PRRC2C: variants seen among roughly 807,000 people sequenced by gnomAD.
PRRC2C encodes protein PRRC2C.
PRRC2C carries 72 observed loss-of-function variants against 317.2 expected under a neutral mutation model. That is an observed-to-expected ratio of 0.23 (90% CI 0.19 to 0.28). The LOEUF is 0.28. Among genes scored for constraint, PRRC2C ranks in the 10% least tolerant of loss-of-function variants. The pLI is 1.00. For missense variants in PRRC2C, 3,074 were observed against 3,459.7 expected (o/e 0.89, Z 2.80); for synonymous variants, 1,296 against 1,205.9 (o/e 1.07, Z -1.55).
chr1:171,582,549 A>T (rs1274048631), intron 28 of PRRC2C, among the ~76,000 whole-genome samples: 1 of 152,240 alleles, frequency 6.6e-6, no homozygotes, highest in Non-Finnish European at 1.5e-5. Flanking sequence ...TGTAGAGTAC[A>T]GCCTATTGTG....
At chr1:171,545,982 T>C (rs1679049096) in intron 17 of PRRC2C, among the ~76,000 whole-genome samples, 1 of 151,462 alleles carries the variant, frequency 6.6e-6, no homozygotes, top group Admixed American at 6.6e-5. Context: ...GTAACCACTC[T>C]ACTTTGCCAG....
intron 1 of PRRC2C, among the ~76,000 whole-genome samples, chr1:171,504,982 T>A (rs1394879818): frequency 1.3e-5 from 2 of 152,266 alleles, no homozygotes; most frequent in East Asian, 3.9e-4. Context: ...GTTCAATGTG[T>A]AGGTCTTACG....
At chr1:171,510,961 A>G (rs192719721) in intron 1 of PRRC2C, 19 of 152,356 alleles carry the variant, frequency 1.2e-4, no homozygotes, top group Admixed American at 5.9e-4. Flanking sequence ...GGCATTTTAC[A>G]TGCATATAAA....
At chr1:171,567,073 AG>A (rs1372836786) in intron 22 of PRRC2C, among the ~76,000 whole-genome samples, 2 of 152,214 alleles carry the variant, frequency 1.3e-5, no homozygotes, top group Non-Finnish European at 2.9e-5. Flanking sequence ...GGACTATTTG[AG>A]TAGCTTAAAG....
chr1:171,561,525 A>G (rs908933352), intron 20 of PRRC2C, among the ~76,000 whole-genome samples: 5 of 152,200 alleles, frequency 3.3e-5, no homozygotes, highest in African/African-American at 7.2e-5. Flanking sequence ...GCTGAGCCCC[A>G]TGTCCATAGT....
chr1:171,586,875 T>C, intron 30 of PRRC2C, 128 bp from the exon 31 acceptor site: 1 of 760,458 alleles, frequency 1.3e-6, no homozygotes, highest in African/African-American at 1.8e-5. Flanking sequence ...CATGAGCCAC[T>C]GCACCTGGCC....
chr1:171,584,762 C>A (rs898217557), intron 30 of PRRC2C, among the ~76,000 whole-genome samples: 7 of 152,038 alleles, frequency 4.6e-5, no homozygotes, highest in African/African-American at 1.7e-4. Context: ...TTTTTTATAT[C>A]TTCCAGGTTT....
chr1:171,518,590 T>G (rs1436403235), intron 6 of PRRC2C, among the ~76,000 whole-genome samples: 1 of 136,704 alleles, frequency 7.3e-6, no homozygotes, highest in Non-Finnish European at 1.5e-5. Context: ...CTCTGCCCCC[T>G]GGGTTCAAGC....
Position 171,579,355 on chromosome 1 carries a change from T to C in PRRC2C, c.7161T>C (p.Ala2387=). The C allele has an allele frequency of 2.5e-6, 4 of 1,613,472 alleles. No homozygotes were observed. Among genetic ancestry groups the C allele is most frequent in the Non-Finnish European group, 3.4e-6 (4 of 1,179,604 alleles). The change falls in exon 27 of 35, where the codon GCT becomes GCC. Residue 2387 remains alanine (A), a splice_region_variant and synonymous_variant. Coordinates refer to ENST00000647382, the MANE Select transcript of PRRC2C (RefSeq NM_001387844.1). The part of the protein sequence containing the change: ...PQVYVSQSAA[A]QIPAFYMDTS... ...CTTGTTTATCCTGATGGTCTACAGC[T>C]CAAATCCCAGCCTTCTATATGGACA...
intron 1 of PRRC2C, among the ~76,000 whole-genome samples, chr1:171,488,763 CTGAT>C (rs1666579926): frequency 6.6e-6 from 1 of 152,148 alleles, no homozygotes; most frequent in Non-Finnish European, 1.5e-5. Flanking sequence ...AAATTTTTAT[CTGAT>C]TGGCAGACAT....
At position 171,541,734 on chromosome 1, in the gene PRRC2C, G is replaced by A. The variant is rs1395509443; in HGVS notation, c.4268G>A (p.Arg1423Gln). The A allele has an allele frequency of 5.0e-6, 8 of 1,613,912 alleles. No homozygotes were observed. The highest frequency in any genetic ancestry group is 1.1e-5 in the South Asian group (1 of 91,058). The stretch of plus-strand genomic sequence containing the variant: ...TTTGACCCAGCTAGAGAAAGGCCTC[G>A]AAGGCAGCGTCCTACTCGACCACCA... ...RKFDPARERP[R>Q]RQRPTRPPRQ... Residue 1423 changes from arginine to glutamine, a missense_variant, in exon 16 of 35, where the codon CGA becomes CAA. Transcript: ENST00000647382. The surrounding 1 kb of genome is among the most constrained non-coding windows in gnomAD (Gnocchi z 4.1).
At chr1:171,502,182 C>G (rs1242162575) in intron 1 of PRRC2C, among the ~76,000 whole-genome samples, 1 of 152,218 alleles carries the variant, frequency 6.6e-6, no homozygotes, top group East Asian at 1.9e-4. Context: ...CATCTCCTGC[C>G]TGTCTCCCTG....
At position 171,557,891 on chromosome 1, in the gene PRRC2C, G is replaced by C; in HGVS notation, c.5779G>C (p.Ala1927Pro). Residue 1927 changes from alanine (A) to proline (P), a missense_variant, in exon 19 of 35, where the codon GCC (alanine) becomes CCC (proline). Around this residue, in one of 11 missense-constraint regions of PRRC2C, gnomAD observed 640 missense variants for 676.1 expected, o/e 0.95. Transcript: ENST00000647382. ...TACCCCAGTCTCAGCCCCAAATCCT[G>C]CCCCACCTGCCCCAGCCCAGACTCA... ...APTPVSAPNP[A>P]PPAPAQTQAQ... 1 of 1,496,292 alleles carries C rather than the reference G, an allele frequency of 6.7e-7. No homozygotes were observed. The highest frequency in any genetic ancestry group is 8.9e-7 in the Non-Finnish European group (1 of 1,122,566). The allele number at this position is 1,496,292 out of a possible 1,614,324, so 92.7% of individuals were successfully genotyped here. A position where few individuals can be genotyped will look rare whatever the true frequency, so the allele number is the denominator to read the frequency against.
intron 1 of PRRC2C, among the ~76,000 whole-genome samples, chr1:171,492,161 A>G (rs1667269685): frequency 6.6e-6 from 1 of 152,194 alleles, no homozygotes; most frequent in Non-Finnish European, 1.5e-5. Context: ...AGCCCCCACA[A>G]CTAGGATACA....
chr1:171,541,305 A>C lies in PRRC2C; in HGVS notation c.3839A>C (p.Lys1280Thr). The change falls in exon 16 of 35, where the codon AAG becomes ACG. Residue 1280 changes from lysine (K) to threonine (T), a missense_variant. Transcript: ENST00000647382. This position sits in a 1 kb window ranked among gnomAD's most constrained non-coding sequence, Gnocchi z 4.1. ...DSEIHESASD[K>T]DSLSKGKLPK... ...GAAATTCATGAAAGTGCAAGTGACA[A>C]GGACAGTTTAAGTAAAGGCAAACTT... 1 of 1,614,010 alleles carries C rather than the reference A, an allele frequency of 6.2e-7. No individual in the cohort carries two copies. The highest frequency in any genetic ancestry group is 8.5e-7 in the Non-Finnish European group (1 of 1,179,892).
At position 171,589,983 on chromosome 1, in the gene PRRC2C, CT is replaced by C. The variant is rs750871044; in HGVS notation, c.8436+395del. On this transcript the variant is annotated intron_variant, in intron 34 of 34. Coordinates refer to ENST00000647382, the MANE Select transcript of PRRC2C (RefSeq NM_001387844.1). The stretch of plus-strand genomic sequence containing the variant: ...TATTATAGACTTCCCCATTTTCTTT[CT>C]TTTTTTTTTTTTTTTTAATATATAT... Among the ~76,000 whole-genome samples the C allele has an allele frequency of 8.0e-3, 971 of 121,030 alleles. 6 individuals carry two copies. The highest frequency in any genetic ancestry group is 0.025 in the African/African-American group (837 of 34,158). 79.4% of individuals were successfully genotyped at this position (121,030 alleles called of 152,430 possible). A position where few individuals can be genotyped will look rare whatever the true frequency, so the allele number is the denominator to read the frequency against.
In PRRC2C at chr1:171,557,446, A is replaced by G. The variant is rs1282640245; in HGVS notation, c.5334A>G (p.Pro1778=). 3.2e-6 allele frequency: 5 copies of G among 1,545,990 alleles called. No homozygotes were observed. Among genetic ancestry groups the G allele is most frequent in the Non-Finnish European group, 4.4e-6 (5 of 1,143,230 alleles). ...CTCCACTTCCGGCAACCTTAACTCCAGTTCCAGCCTCAACCTCAGCTCCGG... is the reference window on the plus strand; with the variant it reads ...CTCCACTTCCGGCAACCTTAACTCCGGTTCCAGCCTCAACCTCAGCTCCGG... The part of the protein sequence containing the change: ...TSAPLPATLT[P]VPASTSAPVP... Residue 1778 remains proline, a synonymous_variant, in exon 19 of 35, where the codon CCA becomes CCG. Coordinates refer to ENST00000647382, the MANE Select transcript of PRRC2C (RefSeq NM_001387844.1).
chr1:171,513,646 C>G (rs775099638), intron 3 of PRRC2C, among the ~76,000 whole-genome samples: 13 of 152,098 alleles, frequency 8.5e-5, no homozygotes, highest in Non-Finnish European at 1.2e-4. Flanking sequence ...CTTAGTCATC[C>G]TTCTTTCAAC....
At chr1:171,582,761 G>A (rs916553837) in intron 28 of PRRC2C, among the ~76,000 whole-genome samples, 1 of 151,766 alleles carries the variant, frequency 6.6e-6, no homozygotes, top group Non-Finnish European at 1.5e-5. Context: ...TTGCAGGACT[G>A]GCAGTTGCTG....
Sources: allele counts gnomAD v4.1 joint callset (sites outside exome capture counted in the v4.1 genomes callset), GRCh38; gene constraint gnomAD v4.1.1; regional missense constraint gnomAD v4.1.1; non-coding constraint Gnocchi (gnomAD v3.1); transcripts MANE v1.5; gene names NCBI Gene and HGNC (gene_info 2026-07-23, HGNC 2026-07-21).